NDUFA7: variants seen among roughly 807,000 people sequenced by gnomAD.
NDUFA7 encodes the protein NADH dehydrogenase [ubiquinone] 1 alpha subcomplex subunit 7.
Under a neutral mutation model 14.2 loss-of-function variants are expected in NDUFA7, and 18 were observed. The observed-to-expected ratio is 1.27, with a 90% confidence interval of 0.88 to 1.88. The LOEUF (loss-of-function observed/expected upper bound fraction) is 1.88, where lower values mean the gene tolerates loss of function less well. Among genes scored for constraint, NDUFA7 ranks in the 40% most tolerant of loss-of-function variants. NDUFA7 has a pLI of 0.00. For synonymous variants in NDUFA7, 75 were observed against 62.1 expected (o/e 1.21, Z -0.98); for missense variants, 172 against 147.3 (o/e 1.17, Z -0.87).
chr19:8,320,461 T>C (rs1970289380), intron 2 of NDUFA7, among the ~76,000 whole-genome samples: 1 of 152,212 alleles, frequency 6.6e-6, no homozygotes, highest in African/African-American at 2.4e-5. Flanking sequence ...TATCAACTAA[T>C]ATTTTAATAT....
intron 2 of NDUFA7, chr19:8,316,912 G>A (rs1970242549): frequency 8.3e-6 from 3 of 362,730 alleles, no homozygotes; most frequent in African/African-American, 6.2e-5. Context: ...GGGTACAGAG[G>A]ACCCTTTCTG....
intron 3 of NDUFA7, 27 bp from the exon 4 acceptor site, chr19:8,311,622 G>T (rs1272810620): frequency 6.3e-7 from 1 of 1,589,736 alleles, no homozygotes; most frequent in Non-Finnish European, 8.6e-7. Context: ...CTTCAGTGAG[G>T]GTTTCCAAAG....
At chr19:8,311,016 C>T (rs1266462032), downstream of NDUFA7, among the ~76,000 whole-genome samples, 2 of 152,116 alleles carry the variant, frequency 1.3e-5, no homozygotes, top group African/African-American at 2.4e-5. Context: ...ACTCTGGCTC[C>T]TGCAGCCAGA....
At chr19:8,312,067 G>A (rs2927706) in intron 3 of NDUFA7, among the ~76,000 whole-genome samples, 19,605 of 152,272 alleles carry the variant, frequency 0.13, 1,755 homozygotes, top group Non-Finnish European at 0.2. Context: ...ATGGGGCACC[G>A]CCCTCAGGAA....
rs376966949 is a variant in NDUFA7, at chr19:8,311,524, G to C, written c.323C>G (p.Ser108Trp). 1.9e-6 allele frequency: 3 copies of C among 1,611,464 alleles called. No homozygotes were observed. In the African/African-American group the frequency reaches 4.0e-5, roughly 22 times the overall value. Reference protein sequence around the residue: ...APPIKRWELSSDQPYL With the variant: ...APPIKRWELSWDQPYL ...GCAGTGTCACAGGTAAGGCTGGTCC[G>C]AGGACAGCTCCCACCTCTTTATGGG... is the stretch of plus-strand genomic sequence containing the variant. Residue 108 changes from serine (S) to tryptophan (W), a missense_variant, in exon 4 of 4, where the codon TCG becomes TGG. Transcript: ENST00000301457.
At position 8,316,521 on chromosome 19, in the gene NDUFA7, G is replaced by C. The variant is rs1970235501; in HGVS notation, c.226C>G (p.Leu76Val). 1 of 1,614,028 alleles carries C rather than the reference G, an allele frequency of 6.2e-7. No individual in the cohort carries two copies. Among genetic ancestry groups the C allele is most frequent in the Non-Finnish European group, 8.5e-7 (1 of 1,180,020 alleles). ...PSIIMSSQKA[L>V]VSGKPAESSA... ...CTCTCTGCTGGCTTGCCTGACACCAGCGCCTTCTGCGACGACATGATGATG... is the reference window on the plus strand; with the variant it reads ...CTCTCTGCTGGCTTGCCTGACACCACCGCCTTCTGCGACGACATGATGATG... The change falls in exon 3 of 4, where the codon CTG becomes GTG. Residue 76 changes from leucine to valine, a missense_variant. Coordinates refer to ENST00000301457, the MANE Select transcript of NDUFA7 (RefSeq NM_005001.5).
chr19:8,317,193 G>A (rs1420420060), intron 2 of NDUFA7, among the ~76,000 whole-genome samples: 2 of 152,206 alleles, frequency 1.3e-5, no homozygotes, highest in Admixed American at 1.3e-4. Flanking sequence ...GGAGCCCAGA[G>A]AGGGGTGAAC....
intron 3 of NDUFA7, among the ~76,000 whole-genome samples, chr19:8,315,017 C>T (rs1970217311): frequency 6.6e-6 from 1 of 152,198 alleles, no homozygotes; most frequent in African/African-American, 2.4e-5. Context: ...GCTATGTCAA[C>T]TCAGAGTTAA....
At position 8,321,304 on chromosome 19, in the gene NDUFA7, G is replaced by C; in HGVS notation, c.51+4C>G. The C allele has an allele frequency of 6.4e-7, 1 of 1,568,522 alleles. No individual in the cohort carries two copies. The highest frequency in any genetic ancestry group is 8.6e-7 in the Non-Finnish European group (1 of 1,160,272). On this transcript the variant is annotated splice_donor_region_variant and intron_variant, in intron 1 of 3. Coordinates refer to ENST00000301457, the MANE Select transcript of NDUFA7 (RefSeq NM_005001.5). ...CATGGTGCAGCCCTGTCCGCCCCGC[G>C]CACCCCGGACGCCCAGTTCCGCAGC... is the stretch of plus-strand genomic sequence containing the variant.
chr19:8,309,282 G>T (rs747194982), downstream of NDUFA7, among the ~76,000 whole-genome samples: 3 of 152,018 alleles, frequency 2.0e-5, no homozygotes, highest in Non-Finnish European at 4.4e-5. Context: ...AAACCAGCCT[G>T]GCCAACATAG....
chr19:8,316,480 C>T lies in NDUFA7; in HGVS notation c.251+16G>A, dbSNP rs564263982. 32 of 1,613,112 alleles carry T rather than the reference C, an allele frequency of 2.0e-5. No homozygotes were observed. Among genetic ancestry groups the T allele is most frequent in the Middle Eastern group, 1.7e-4 (1 of 6,046 alleles). On this transcript the variant is annotated intron_variant, in intron 3 of 3. Transcript: ENST00000301457. ...GGGGCATGGGGGCTGTGGTGAGCAG[C>T]GCTGGAGATCCTCACCTCTCTGCTG...
intron 3 of NDUFA7, among the ~76,000 whole-genome samples, chr19:8,313,376 G>A (rs1182380154): frequency 4.0e-5 from 6 of 151,844 alleles, no homozygotes; most frequent in African/African-American, 1.2e-4. Context: ...GACTACAGGC[G>A]CCCACCACCA....
intron 2 of NDUFA7, 85 bp downstream of exon 2, chr19:8,320,772 T>C: frequency 6.5e-7 from 1 of 1,528,830 alleles, no homozygotes; most frequent in Non-Finnish European, 9.0e-7. Context: ...AGCCCTCCGT[T>C]TCAGGGGTCT....
intron 3 of NDUFA7, among the ~76,000 whole-genome samples, chr19:8,313,559 C>G (rs1185415073): frequency 6.6e-6 from 1 of 152,204 alleles, no homozygotes; most frequent in Non-Finnish European, 1.5e-5. Context: ...AGAGCAGGCC[C>G]TGCCTGACCT....
chr19:8,309,126 G>A (rs576135895), downstream of NDUFA7, among the ~76,000 whole-genome samples: 4 of 152,004 alleles, frequency 2.6e-5, no homozygotes, highest in East Asian at 3.9e-4. Context: ...GGAGGCTGAG[G>A]TGGGAGAATC....
downstream of NDUFA7, among the ~76,000 whole-genome samples, chr19:8,311,093 C>T (rs1257317629): frequency 2.0e-5 from 3 of 152,138 alleles, no homozygotes; most frequent in African/African-American, 7.2e-5. Context: ...TCCCACAGCC[C>T]CAGCATAATG....
chr19:8,311,359 G>T lies in NDUFA7; in HGVS notation c.*146C>A. On this transcript the variant is annotated 3_prime_UTR_variant, in exon 4 of 4. Coordinates refer to ENST00000301457, the MANE Select transcript of NDUFA7 (RefSeq NM_005001.5). ...GTTCAAGATCAGCCTGGGAAACATG[G>T]TGAGACTCTGTCTCTATTTTTTTAT... 1.6e-6 allele frequency: 1 copy of T among 629,022 alleles called. No individual in the cohort carries two copies. Among genetic ancestry groups the T allele is most frequent in the Non-Finnish European group, 2.6e-6 (1 of 378,178 alleles). The allele number at this position is 629,022 out of a possible 1,614,324, so 39.0% of individuals were successfully genotyped here.
Position 8,320,373 on chromosome 19 carries a change from A to T in NDUFA7, c.101+484T>A, listed in dbSNP as rs561454981. ...TTCTCCCTAGAATGTGGCGTCCATG[A>T]AAGAATGTGGATAAGAACTTTCCTG... is the stretch of plus-strand genomic sequence containing the variant. On this transcript the variant is annotated intron_variant, in intron 2 of 3. Coordinates refer to ENST00000301457, the MANE Select transcript of NDUFA7 (RefSeq NM_005001.5). 1.4e-4 allele frequency among the ~76,000 whole-genome samples: 22 copies of T among 152,262 alleles called. No homozygotes were observed. In the South Asian group the frequency reaches 4.6e-3, roughly 32 times the overall value.
downstream of NDUFA7, among the ~76,000 whole-genome samples, chr19:8,310,160 T>C (rs1240029823): frequency 6.6e-6 from 1 of 152,158 alleles, no homozygotes; most frequent in Non-Finnish European, 1.5e-5. Context: ...CCAGGCGCGG[T>C]GGCTCACGCC....
Sources: gnomAD v4.1 joint callset for allele counts (sites outside exome capture counted in the v4.1 genomes callset) on GRCh38, gnomAD v4.1.1 for gene constraint, MANE v1.5 for transcripts, NCBI Gene and HGNC (gene_info 2026-07-23, HGNC 2026-07-21) for gene names.